Variants in KCNIP4 observed in about 807,000 individuals in gnomAD.
KCNIP4 encodes Kv channel-interacting protein 4.
KCNIP4 carries 12 observed loss-of-function variants against 34.0 expected under a neutral mutation model. The ratio of observed to expected loss-of-function variants is 0.35; its 90% CI spans 0.23 to 0.57. The LOEUF (loss-of-function observed/expected upper bound fraction) is 0.57, where lower values mean the gene tolerates loss of function less well. Among genes scored for constraint, KCNIP4 ranks in the 20% least tolerant of loss-of-function variants. The probability of loss-of-function intolerance (pLI) is 0.83; values close to 1 mark genes in which losing one functional copy is unlikely to be tolerated. For synonymous variants in KCNIP4, 124 were observed against 102.2 expected, an observed-to-expected ratio of 1.21 and a Z score of -1.29; for missense variants, 238 against 311.7, an observed-to-expected ratio of 0.76 and a Z score of 1.78.
At chr4:21,420,133 A>G (rs945407470) in intron 1 of KCNIP4, among the ~76,000 whole-genome samples, 1 of 152,154 alleles carries the variant, frequency 6.6e-6, no homozygotes, top group African/African-American at 2.4e-5. Flanking sequence ...ATGTTGGTGA[A>G]ATGTCCTAAG....
chr4:21,167,333 A>T (rs1272384528), intron 1 of KCNIP4, among the ~76,000 whole-genome samples: 2 of 152,210 alleles, frequency 1.3e-5, no homozygotes, highest in Non-Finnish European at 2.9e-5. Flanking sequence ...AAATATGTAC[A>T]ATTTGTTGTA....
chr4:21,192,359 T>C (rs1045959522), intron 1 of KCNIP4, among the ~76,000 whole-genome samples: 3 of 152,184 alleles, frequency 2.0e-5, no homozygotes, highest in Admixed American at 2.0e-4. Context: ...TAAGATAAAC[T>C]GCATTTTTTT....
At chr4:21,103,066 G>C (rs1426673974) in intron 1 of KCNIP4, among the ~76,000 whole-genome samples, 1 of 151,884 alleles carries the variant, frequency 6.6e-6, no homozygotes, top group African/African-American at 2.4e-5. Context: ...AGTTTTACTG[G>C]TAGGGCTTTT....
At chr4:21,261,745 G>T (rs1761487216) in intron 1 of KCNIP4, among the ~76,000 whole-genome samples, 1 of 152,034 alleles carries the variant, frequency 6.6e-6, no homozygotes, top group Admixed American at 6.6e-5. Flanking sequence ...ACAAGCTAGT[G>T]CCATCAACCT....
intron 2 of KCNIP4, among the ~76,000 whole-genome samples, chr4:20,852,394 G>T (rs1017575352): frequency 2.0e-5 from 3 of 152,260 alleles, no homozygotes; most frequent in African/African-American, 7.2e-5. Flanking sequence ...CATCTCAGTA[G>T]ATGCTGAAAA....
rs1286982433 is a variant in KCNIP4, at chr4:20,992,244, AG to A, written c.62-109536del. 1.5e-4 allele frequency among the ~76,000 whole-genome samples: 23 copies of A among 152,276 alleles called. 2 individuals carry two copies. The South Asian group carries it at 2.7e-3, about 18-fold the overall frequency. ...AATTTACAATTATGGCAGAGGGCAAAGGAGAAGCAGGCACTTTCTTCACAGG... is the reference window on the plus strand; with the variant it reads ...AATTTACAATTATGGCAGAGGGCAAAGAGAAGCAGGCACTTTCTTCACAGG... On this transcript the variant is annotated intron_variant, in intron 1 of 8. Coordinates refer to ENST00000382152, the MANE Select transcript of KCNIP4 (RefSeq NM_025221.6).
chr4:21,367,626 A>G (rs1719918463), intron 1 of KCNIP4, among the ~76,000 whole-genome samples: 1 of 147,588 alleles, frequency 6.8e-6, no homozygotes, highest in Admixed American at 6.6e-5. Flanking sequence ...TTTTGATAAG[A>G]ATTTCACCCA....
chr4:21,717,026 T>A, intron 1 of KCNIP4, among the ~76,000 whole-genome samples: 1 of 152,182 alleles, frequency 6.6e-6, no homozygotes, highest in Admixed American at 6.5e-5. Context: ...CTGATGGGTT[T>A]CAGGGATGCC....
chr4:21,539,420 A>G (rs1737489040), intron 1 of KCNIP4, among the ~76,000 whole-genome samples: 1 of 152,184 alleles, frequency 6.6e-6, no homozygotes, highest in African/African-American at 2.4e-5. Flanking sequence ...GAAGGGAGAA[A>G]GGGAGGGTGG....
At chr4:21,085,092 A>G (rs1188632530) in intron 1 of KCNIP4, among the ~76,000 whole-genome samples, 1 of 152,120 alleles carries the variant, frequency 6.6e-6, no homozygotes, top group Non-Finnish European at 1.5e-5. Context: ...CCACCCCCAA[A>G]TTAATATGCT....
chr4:21,017,878 G>A (rs1434440081), intron 1 of KCNIP4, among the ~76,000 whole-genome samples: 7 of 151,942 alleles, frequency 4.6e-5, no homozygotes, highest in African/African-American at 7.3e-5. Context: ...TTTAATAATC[G>A]CCACTCTGAC....
chr4:21,079,304 C>A (rs958751594), intron 1 of KCNIP4, among the ~76,000 whole-genome samples: 2 of 152,044 alleles, frequency 1.3e-5, no homozygotes, highest in Non-Finnish European at 2.9e-5. Context: ...GTTTTATATA[C>A]TTCCAAAATG....
intron 1 of KCNIP4, among the ~76,000 whole-genome samples, chr4:21,743,488 T>A (rs904685174): frequency 6.6e-6 from 1 of 151,768 alleles, no homozygotes; most frequent in Admixed American, 6.6e-5. Flanking sequence ...CAAGGATCCA[T>A]AACTTAATTA....
intron 1 of KCNIP4, among the ~76,000 whole-genome samples, chr4:21,655,547 A>G (rs1377177600): frequency 1.3e-5 from 2 of 152,222 alleles, no homozygotes; most frequent in African/African-American, 2.4e-5. Context: ...CACTAAATGT[A>G]TTATAACTAT....
At chr4:20,884,010 C>G (rs1725006528) in intron 1 of KCNIP4, among the ~76,000 whole-genome samples, 1 of 152,160 alleles carries the variant, frequency 6.6e-6, no homozygotes, top group Non-Finnish European at 1.5e-5. Context: ...GCCACACTAC[C>G]CTTTTTGCCT....
chr4:20,963,306 G>A (rs923275523), intron 1 of KCNIP4, among the ~76,000 whole-genome samples: 31 of 149,550 alleles, frequency 2.1e-4, no homozygotes, highest in African/African-American at 6.7e-4. Context: ...CAGCCTGGGC[G>A]ACAGAGCGAG....
In KCNIP4 at chr4:20,748,154, C is replaced by T. The variant is rs1429844343; in HGVS notation, c.429+1508G>A. Among the ~76,000 whole-genome samples, 9 of 152,156 alleles carry T rather than the reference C, an allele frequency of 5.9e-5. No individual in the cohort carries two copies. The East Asian group carries it at 1.4e-3, about 23-fold the overall frequency. On this transcript the variant is annotated intron_variant, in intron 5 of 8. Coordinates refer to ENST00000382152, the MANE Select transcript of KCNIP4 (RefSeq NM_025221.6). ...TTCTACAAAGGCTCCTCATCTCCTACAAGATAGTCCAATCTCCTGCCTAAG... is the reference window on the plus strand; with the variant it reads ...TTCTACAAAGGCTCCTCATCTCCTATAAGATAGTCCAATCTCCTGCCTAAG...
chr4:21,100,014 A>C (rs71607055), intron 1 of KCNIP4, among the ~76,000 whole-genome samples: 2,290 of 152,282 alleles, frequency 0.015, 32 homozygotes, highest in Non-Finnish European at 0.021. Context: ...ATGAGCAAGA[A>C]AATTGCCTTC....
intron 1 of KCNIP4, among the ~76,000 whole-genome samples, chr4:21,870,142 G>A (rs1271079624): frequency 6.6e-6 from 1 of 152,148 alleles, no homozygotes; most frequent in Non-Finnish European, 1.5e-5. Context: ...TCACCTTAGT[G>A]TGTCAGCATC....
Sources: allele counts gnomAD v4.1 joint callset (sites outside exome capture counted in the v4.1 genomes callset), GRCh38; gene constraint gnomAD v4.1.1; transcripts MANE v1.5; gene names NCBI Gene and HGNC (gene_info 2026-07-23, HGNC 2026-07-21).